The following KIAA1217 variants were observed in gnomAD, a reference collection of about 807,000 sequenced individuals.
KIAA1217 encodes KIAA1217.
A neutral mutation model predicts 163.9 loss-of-function variants in KIAA1217; 88 were observed. The observed-to-expected ratio is 0.54, with a 90% CI of 0.45 to 0.64. The LOEUF is 0.64. Among genes scored for constraint, KIAA1217 ranks in the 30% least tolerant of loss-of-function variants. The probability of loss-of-function intolerance (pLI) is 0.00; values close to 1 mark genes in which losing one functional copy is unlikely to be tolerated. For synonymous variants in KIAA1217, 903 were observed against 923.1 expected, an observed-to-expected ratio of 0.98 and a Z score of 0.39; for missense variants, 2,372 against 2,475.0, an observed-to-expected ratio of 0.96 and a Z score of 0.88.
At chr10:24,239,918 T>A (rs368572970) in intron 2 of KIAA1217, among the ~76,000 whole-genome samples, 2 of 152,224 alleles carry the variant, frequency 1.3e-5, no homozygotes, top group African/African-American at 4.8e-5. Flanking sequence ...AAAAAAACAG[T>A]CCTGATAGAG....
chr10:24,325,984 C>G (rs957386908), intron 2 of KIAA1217, among the ~76,000 whole-genome samples: 2 of 152,136 alleles, frequency 1.3e-5, no homozygotes, highest in African/African-American at 2.4e-5. Context: ...TGAGCCCCAG[C>G]AAAGGCCTTA....
chr10:24,008,539 G>A (rs772849884), intron 2 of KIAA1217, among the ~76,000 whole-genome samples: 2 of 152,160 alleles, frequency 1.3e-5, no homozygotes, highest in African/African-American at 4.8e-5. Flanking sequence ...ATGAAGGAGG[G>A]CATGCGGGTG....
At chr10:24,181,420 C>A (rs898723222) in intron 2 of KIAA1217, among the ~76,000 whole-genome samples, 1 of 152,046 alleles carries the variant, frequency 6.6e-6, no homozygotes, top group Non-Finnish European at 1.5e-5. Flanking sequence ...GGAGGGACAG[C>A]AGACAAGATC....
chr10:23,846,699 C>G (rs1172938244), intron 1 of KIAA1217, among the ~76,000 whole-genome samples: 1 of 152,160 alleles, frequency 6.6e-6, no homozygotes, highest in Non-Finnish European at 1.5e-5. Flanking sequence ...ATTTGACTTC[C>G]TCTCTTCCTA....
Position 23,993,553 on chromosome 10 carries a change from C to CTTTTTT in KIAA1217, c.-320-13657_-320-13652dup, listed in dbSNP as rs200437343. Among the ~76,000 whole-genome samples, 80 of 68,938 alleles carry CTTTTTT rather than the reference C, an allele frequency of 1.2e-3. 19 individuals carry two copies. The highest frequency in any genetic ancestry group is 5.0e-3 in the African/African-American group (60 of 11,980). 45.2% of individuals were successfully genotyped at this position (68,938 alleles called of 152,430 possible). ...AAGAGTTTGGCTCTCCATAGCCCAG[C>CTTTTTT]TTTTTTTTTTTTTTTTTTTTGAGAC... On this transcript the variant is annotated intron_variant, in intron 1 of 18. Coordinates refer to the KIAA1217 transcript ENST00000376462.
chr10:24,066,268 C>T (rs1462129364), intron 2 of KIAA1217, among the ~76,000 whole-genome samples: 2 of 152,174 alleles, frequency 1.3e-5, no homozygotes, highest in African/African-American at 4.8e-5. Context: ...CCTGTTTTTG[C>T]AGTGGCTGGT....
chr10:24,533,375 A>C (rs1411366008), intron 16 of KIAA1217, 138 bp downstream of exon 16: 28 of 806,806 alleles, frequency 3.5e-5, no homozygotes, highest in Non-Finnish European at 5.1e-5. Context: ...TTCTGGCCTT[A>C]GCCTTTGCTT....
chr10:23,791,648 G>C (rs1835956137), intron 1 of KIAA1217, among the ~76,000 whole-genome samples: 1 of 152,142 alleles, frequency 6.6e-6, no homozygotes, highest in African/African-American at 2.4e-5. Context: ...AAATTAAAAA[G>C]TAATTTTATT....
intron 5 of KIAA1217, among the ~76,000 whole-genome samples, chr10:24,458,170 T>C (rs1434484200): frequency 6.6e-6 from 1 of 152,238 alleles, no homozygotes. Flanking sequence ...CCCAAACTGG[T>C]TGTCTTTGAG....
chr10:23,956,042 A>G (rs912080809), intron 1 of KIAA1217, among the ~76,000 whole-genome samples: 1 of 152,224 alleles, frequency 6.6e-6, no homozygotes, highest in Non-Finnish European at 1.5e-5. Context: ...CAGTCATTGT[A>G]AGTTACTATG....
intron 2 of KIAA1217, among the ~76,000 whole-genome samples, chr10:24,088,274 TAC>T (rs1257847458): frequency 9.3e-6 from 1 of 107,246 alleles, no homozygotes; most frequent in African/African-American, 3.1e-5. Context: ...TATATATATA[TAC>T]ACACATATAT....
chr10:24,000,300 G>T (rs1846679700), intron 1 of KIAA1217, among the ~76,000 whole-genome samples: 2 of 152,206 alleles, frequency 1.3e-5, no homozygotes, highest in African/African-American at 2.4e-5. Context: ...AATCATGGGG[G>T]GCAGTTACCC....
At chr10:24,248,522 T>C (rs184078586) in intron 2 of KIAA1217, among the ~76,000 whole-genome samples, 6 of 151,702 alleles carry the variant, frequency 4.0e-5, no homozygotes, top group African/African-American at 1.2e-4. Context: ...AATATAAAAA[T>C]TAGCCGGGCA....
chr10:23,976,616 C>T (rs1295306666), intron 1 of KIAA1217, among the ~76,000 whole-genome samples: 3 of 152,072 alleles, frequency 2.0e-5, no homozygotes, highest in African/African-American at 7.2e-5. Flanking sequence ...CCAGGTACAG[C>T]AGAGAGTGGA....
chr10:23,754,249 A>T (rs1049817335), intron 1 of KIAA1217, among the ~76,000 whole-genome samples: 12 of 152,242 alleles, frequency 7.9e-5, no homozygotes, highest in Non-Finnish European at 1.8e-4. Context: ...TGCATCAGAG[A>T]CAATCATGTC....
intron 2 of KIAA1217, among the ~76,000 whole-genome samples, chr10:24,078,666 T>C (rs2061443768): frequency 6.6e-6 from 1 of 152,206 alleles, no homozygotes; most frequent in African/African-American, 2.4e-5. Context: ...GGCAGCATTC[T>C]TGTTCCATGA....
At chr10:24,538,655 G>T (rs926431714) in intron 17 of KIAA1217, among the ~76,000 whole-genome samples, 3 of 140,474 alleles carry the variant, frequency 2.1e-5, no homozygotes, top group African/African-American at 7.8e-5. Context: ...GGAAGGGAGG[G>T]AAAAGAAAGA....
intron 1 of KIAA1217, among the ~76,000 whole-genome samples, chr10:23,790,406 T>C (rs1156321760): frequency 9.2e-6 from 1 of 108,566 alleles, no homozygotes. Context: ...TATACATATA[T>C]ACATATACAT....
At chr10:23,788,812 C>G (rs924224773) in intron 1 of KIAA1217, among the ~76,000 whole-genome samples, 15 of 152,152 alleles carry the variant, frequency 9.9e-5, no homozygotes, top group Non-Finnish European at 1.3e-4. Context: ...AAAACACTCA[C>G]GTTATACTCT....
Sources: gnomAD v4.1 joint callset for allele counts (sites outside exome capture counted in the v4.1 genomes callset) on GRCh38, gnomAD v4.1.1 for gene constraint, MANE v1.5 for transcripts, NCBI Gene and HGNC (gene_info 2026-07-23, HGNC 2026-07-21) for gene names.